The following DIAPH1 variants were observed in gnomAD, a reference collection of about 807,000 sequenced individuals.
DIAPH1 encodes diaphanous related formin 1.
A neutral mutation model predicts 140.7 loss-of-function variants in DIAPH1; 46 were observed. That is an observed-to-expected ratio of 0.33 (90% CI 0.26 to 0.42). The LOEUF is 0.42. DIAPH1 is among the 10% of genes least tolerant of loss of function. DIAPH1 has a pLI of 1.00. For synonymous variants in DIAPH1, 565 were observed against 551.6 expected (o/e 1.02, Z -0.34); for missense variants, 1,310 against 1,558.7 (o/e 0.84, Z 2.69).
chr5:141,588,130 A>G (rs927647433), intron 2 of DIAPH1, 94 bp downstream of exon 2: 142 of 1,037,886 alleles, frequency 1.4e-4, no homozygotes, highest in Middle Eastern at 2.0e-4. Context: ...TATCACCACT[A>G]TAAGTTACAG....
chr5:141,614,710 G>A (rs1047570497), intron 1 of DIAPH1, among the ~76,000 whole-genome samples: 3 of 151,846 alleles, frequency 2.0e-5, no homozygotes, highest in Non-Finnish European at 2.9e-5. Flanking sequence ...GAAGAATGGC[G>A]GAAATCTTTA....
At chr5:141,571,172 T>C (rs542147524) in intron 18 of DIAPH1, among the ~76,000 whole-genome samples, 38 of 152,294 alleles carry the variant, frequency 2.5e-4, no homozygotes, top group Non-Finnish European at 4.6e-4. Context: ...ATTGCTTACG[T>C]TGTCCCTCAC....
rs2099887720 is a variant in DIAPH1, at chr5:141,528,484, G to GT, written c.3116dup (p.Asp1039GlufsTer15). ...TGGCTTTCTCCACATGGGCAAGCTC[G>GT]TCTGGAAACTTGAGGACATCGGGAT... On this transcript the variant is annotated frameshift_variant, in exon 23 of 28. Coordinates refer to ENST00000389054, the MANE Select transcript of DIAPH1 (RefSeq NM_005219.5). LOFTEE classifies it high-confidence loss of function. The GT allele has an allele frequency of 6.2e-7, 1 of 1,614,186 alleles. No homozygotes were observed. The highest frequency in any genetic ancestry group is 8.5e-7 in the Non-Finnish European group (1 of 1,180,038).
intron 11 of DIAPH1, 104 bp from the exon 12 acceptor site, chr5:141,577,695 A>G: frequency 1.3e-6 from 1 of 777,682 alleles, no homozygotes; most frequent in Non-Finnish European, 2.3e-6. Context: ...GCAAGACACC[A>G]CTTCCATTCT....
At chr5:141,572,571 G>A (rs1254223281) in intron 16 of DIAPH1, among the ~76,000 whole-genome samples, 5 of 152,080 alleles carry the variant, frequency 3.3e-5, no homozygotes, top group African/African-American at 7.2e-5. Flanking sequence ...GGAGGCCAAG[G>A]TGGGCGGATC....
chr5:141,609,502 G>T (rs970452931), intron 1 of DIAPH1, among the ~76,000 whole-genome samples: 2 of 152,150 alleles, frequency 1.3e-5, no homozygotes, highest in Non-Finnish European at 2.9e-5. Context: ...CTTCAAGCAG[G>T]CTGCTTGATC....
At chr5:141,522,612 T>C (rs956323668) in intron 27 of DIAPH1, among the ~76,000 whole-genome samples, 15 of 147,404 alleles carry the variant, frequency 1.0e-4, no homozygotes, top group African/African-American at 3.5e-4. Flanking sequence ...TAAGATGCAA[T>C]GTATTTTTGT....
At chr5:141,612,699 TATTC>T (rs1207985726) in intron 1 of DIAPH1, among the ~76,000 whole-genome samples, 2 of 152,230 alleles carry the variant, frequency 1.3e-5, no homozygotes, top group Non-Finnish European at 1.5e-5. Context: ...GTGACTGCTA[TATTC>T]ATTATCTTGA....
chr5:141,539,587 T>C (rs2099889645), intron 18 of DIAPH1, among the ~76,000 whole-genome samples: 1 of 152,046 alleles, frequency 6.6e-6, no homozygotes, highest in South Asian at 2.1e-4. Flanking sequence ...TGGGTAGTTT[T>C]TGACTAATGA....
intron 1 of DIAPH1, among the ~76,000 whole-genome samples, chr5:141,612,276 C>A (rs945837403): frequency 1.3e-5 from 2 of 152,194 alleles, no homozygotes; most frequent in Non-Finnish European, 2.9e-5. Context: ...CATAGATCTA[C>A]CAAATGACCC....
At chr5:141,570,461 A>G (rs1201336885) in intron 18 of DIAPH1, among the ~76,000 whole-genome samples, 2 of 152,146 alleles carry the variant, frequency 1.3e-5, no homozygotes, top group African/African-American at 4.8e-5. Flanking sequence ...TGACAGGGCA[A>G]CAAGACAGAT....
At chr5:141,568,794 G>C (rs1258832795) in intron 18 of DIAPH1, among the ~76,000 whole-genome samples, 1 of 152,040 alleles carries the variant, frequency 6.6e-6, no homozygotes, top group Non-Finnish European at 1.5e-5. Flanking sequence ...ACAAATAGCA[G>C]AGTTGTGTTT....
At chr5:141,596,194 G>A (rs1216765384) in intron 1 of DIAPH1, among the ~76,000 whole-genome samples, 19 of 152,234 alleles carry the variant, frequency 1.2e-4, no homozygotes, top group African/African-American at 3.9e-4. Context: ...TTAGCCGGGC[G>A]TGGTGGCACG....
At position 141,573,926 on chromosome 5, in the gene DIAPH1, G is replaced by T; in HGVS notation, c.1924C>A (p.Pro642Thr). 6.4e-7 allele frequency: 1 copy of T among 1,552,392 alleles called. No homozygotes were observed. The highest frequency in any genetic ancestry group is 8.7e-7 in the Non-Finnish European group (1 of 1,148,040). The change falls in exon 16 of 28, where the codon CCC (proline) becomes ACC (threonine). Residue 642 changes from proline (P) to threonine (T), a missense_variant. By Grantham distance (38) the Pro-to-Thr change is conservative. This residue lies in a region of DIAPH1 where 589 missense variants were observed against 549.3 expected (regional missense o/e 1.07). Coordinates refer to ENST00000389054, the MANE Select transcript of DIAPH1 (RefSeq NM_005219.5). The part of the protein sequence containing the change: ...SLPGGTAISP[P>T]PPLSGDATIP... ...GTAGCATCCCCAGACAAAGGAGGGGGTGGAGAGATAGCAGTACCTCCAGGT... is the reference window on the plus strand; with the variant it reads ...GTAGCATCCCCAGACAAAGGAGGGGTTGGAGAGATAGCAGTACCTCCAGGT...
At chr5:141,599,886 T>C (rs2099899882) in intron 1 of DIAPH1, among the ~76,000 whole-genome samples, 2 of 152,130 alleles carry the variant, frequency 1.3e-5, no homozygotes, top group Non-Finnish European at 1.5e-5. Flanking sequence ...TTTTGGTCTA[T>C]GTTTTTTTGT....
chr5:141,517,545 C>T (rs985985740), intron 27 of DIAPH1, among the ~76,000 whole-genome samples: 31 of 152,280 alleles, frequency 2.0e-4, no homozygotes, highest in African/African-American at 6.0e-4. Context: ...GCACTGACAC[C>T]GCACTCCCAC....
chr5:141,578,664 T>C (rs2099896301), intron 9 of DIAPH1, 39 bp from the exon 10 acceptor site: 1 of 1,453,994 alleles, frequency 6.9e-7, no homozygotes, highest in Admixed American at 1.7e-5. Context: ...CAATGCTAAC[T>C]CCTGGAGATC....
rs746584977 is a variant in DIAPH1 at position 141,576,814 on chromosome 5, G to A, written c.1338C>T (p.Asn446=). 13 of 1,613,834 alleles carry A rather than the reference G, an allele frequency of 8.1e-6. No homozygotes were observed. Among genetic ancestry groups the A allele is most frequent in the Admixed American group, 3.3e-5 (2 of 59,990 alleles). ...GGCACTTGAAGTCAGGATCAGCCCC[G>A]TTCTTGTGCAGAACTATCTGGGAAA... ...ECISQIVLHK[N]GADPDFKCRH... The change falls in exon 13 of 28, where the codon AAC becomes AAT. Residue 446 remains asparagine (N), a synonymous_variant. Transcript: ENST00000389054.
rs1562322288 is a variant in DIAPH1, at chr5:141,574,958, A to G, written c.1641+9T>C. Reference sequence around the variant, plus strand: ...ACAGGTCATTCTGCCTTCCCTGCTCAGGCATTACCTCTCCTGTGAGCTGGG... The same window carrying G: ...ACAGGTCATTCTGCCTTCCCTGCTCGGGCATTACCTCTCCTGTGAGCTGGG... On this transcript the variant is annotated intron_variant, in intron 15 of 27. Coordinates refer to ENST00000389054, the MANE Select transcript of DIAPH1 (RefSeq NM_005219.5). 1.9e-6 allele frequency: 3 copies of G among 1,614,130 alleles called. No homozygotes were observed.
Sources: gnomAD v4.1 joint callset for allele counts (sites outside exome capture counted in the v4.1 genomes callset) on GRCh38, gnomAD v4.1.1 for gene constraint, gnomAD v4.1.1 regional missense constraint, MANE v1.5 for transcripts, NCBI Gene and HGNC (gene_info 2026-07-23, HGNC 2026-07-21) for gene names.